Variants in FGF14 observed in about 807,000 individuals in gnomAD.
The protein encoded by FGF14 is fibroblast growth factor 14, also known as fibroblast growth factor homologous factor 4.
A neutral mutation model predicts 25.5 loss-of-function variants in FGF14; 5 were observed. That is an observed-to-expected ratio of 0.20 (90% CI 0.10 to 0.41). The LOEUF (loss-of-function observed/expected upper bound fraction) is 0.41, where lower values mean the gene tolerates loss of function less well. FGF14 is among the 10% of genes least tolerant of loss of function. The pLI, the probability that FGF14 is intolerant of heterozygous loss-of-function variation, is 1.00. For synonymous variants in FGF14, 138 were observed against 118.3 expected (o/e 1.17, Z -1.08); for missense variants, 222 against 320.1 (o/e 0.69, Z 2.34).
chr13:101,770,332 A>G (rs2139965529), intron 3 of FGF14, among the ~76,000 whole-genome samples: 1 of 152,190 alleles, frequency 6.6e-6, no homozygotes, highest in East Asian at 1.9e-4. Context: ...TTACCTCGTT[A>G]TTGTATATAT....
intron 1 of FGF14, among the ~76,000 whole-genome samples, chr13:102,063,920 TA>T (rs2042794605): frequency 6.6e-6 from 1 of 152,146 alleles, no homozygotes; most frequent in African/African-American, 2.4e-5. Flanking sequence ...TTACTGGCAA[TA>T]ATGTTTTTAA....
At chr13:102,280,659 A>G (rs1031127135) in intron 1 of FGF14, among the ~76,000 whole-genome samples, 20 of 152,202 alleles carry the variant, frequency 1.3e-4, no homozygotes, top group African/African-American at 4.8e-4. Flanking sequence ...TGAAGCCATT[A>G]TACACACCAA....
At chr13:102,262,739 T>C (rs1250336089) in intron 1 of FGF14, among the ~76,000 whole-genome samples, 1 of 152,212 alleles carries the variant, frequency 6.6e-6, no homozygotes, top group Non-Finnish European at 1.5e-5. Context: ...GGACTTTTTA[T>C]GAAGCCCATA....
At chr13:101,828,142 TCTGA>T (rs2042487205) in intron 3 of FGF14, among the ~76,000 whole-genome samples, 1 of 152,046 alleles carries the variant, frequency 6.6e-6, no homozygotes, top group African/African-American at 2.4e-5. Flanking sequence ...CAGATATTGT[TCTGA>T]CTCTTTTAAA....
chr13:101,967,754 A>G lies in FGF14; in HGVS notation c.209-92458T>C, dbSNP rs142907931. 211 of 154,486 alleles carry G rather than the reference A, an allele frequency of 1.4e-3. 3 individuals are homozygous for G. The highest frequency in any genetic ancestry group is 2.6e-3 in the Non-Finnish European group (174 of 68,208). 9.6% of individuals were successfully genotyped at this position (154,486 alleles called of 1,614,324 possible). ...AATGCGTGAAAAGGGGGCAGAGAGC[A>G]TATCTTTGCTCTTGATGTCTTTTTA... On this transcript the variant is annotated intron_variant, in intron 1 of 4. Transcript: ENST00000376131.
At chr13:102,180,830 T>C (rs1332233848) in intron 1 of FGF14, among the ~76,000 whole-genome samples, 2 of 152,144 alleles carry the variant, frequency 1.3e-5, no homozygotes, top group African/African-American at 2.4e-5. Context: ...AGGATATAGA[T>C]CATGAGTCCT....
chr13:102,294,690 T>C lies in FGF14; in HGVS notation c.208+106781A>G, dbSNP rs1041033301. On this transcript the variant is annotated intron_variant, in intron 1 of 4. Transcript: ENST00000376131. ...TTTCTTATTTCCACTATTTCTCCAG[T>C]GGTCAAAATAGCTGTTTCCTTCTGA... 4.6e-5 allele frequency among the ~76,000 whole-genome samples: 7 copies of C among 152,302 alleles called. 1 individual carries two copies. The highest frequency in any genetic ancestry group is 7.2e-5 in the African/African-American group (3 of 41,578).
chr13:102,375,424 A>G (rs973288927), intron 1 of FGF14, among the ~76,000 whole-genome samples: 2 of 152,200 alleles, frequency 1.3e-5, no homozygotes, highest in East Asian at 3.8e-4. Flanking sequence ...AAAGCATAAG[A>G]CTTTGTAGTA....
At chr13:102,140,052 C>CT (rs930956314) in intron 1 of FGF14, among the ~76,000 whole-genome samples, 14 of 144,802 alleles carry the variant, frequency 9.7e-5, no homozygotes, top group Non-Finnish European at 2.1e-4. Flanking sequence ...GACCCCCCCC[C>CT]CCCCTTACAG....
intron 1 of FGF14, among the ~76,000 whole-genome samples, chr13:101,957,565 C>T (rs1463956436): frequency 1.3e-5 from 2 of 152,108 alleles, no homozygotes; most frequent in Non-Finnish European, 1.5e-5. Context: ...TTCAACCCAC[C>T]AAATCAGACT....
At chr13:102,107,558 T>C (rs1595298099) in intron 1 of FGF14, among the ~76,000 whole-genome samples, 1 of 152,232 alleles carries the variant, frequency 6.6e-6, no homozygotes, top group African/African-American at 2.4e-5. Context: ...AAAATGCCAG[T>C]ATTTATTGAG....
At chr13:102,149,099 T>C (rs1409993992) in intron 1 of FGF14, among the ~76,000 whole-genome samples, 1 of 152,106 alleles carries the variant, frequency 6.6e-6, no homozygotes, top group African/African-American at 2.4e-5. Context: ...GCTAAGTGCT[T>C]TACCTGCATG....
chr13:101,903,664 G>A (rs1311634042), intron 1 of FGF14, among the ~76,000 whole-genome samples: 3 of 152,092 alleles, frequency 2.0e-5, no homozygotes, highest in Non-Finnish European at 1.5e-5. Context: ...CAAATATACA[G>A]AATCTATAGA....
chr13:101,756,698 A>C (rs997266372), intron 3 of FGF14, among the ~76,000 whole-genome samples: 1 of 152,194 alleles, frequency 6.6e-6, no homozygotes, highest in Non-Finnish European at 1.5e-5. Flanking sequence ...GTGCCACTGC[A>C]CTCCAGCCTG....
chr13:102,052,022 A>C (rs2042233662), intron 1 of FGF14, among the ~76,000 whole-genome samples: 1 of 152,234 alleles, frequency 6.6e-6, no homozygotes, highest in Admixed American at 6.5e-5. Flanking sequence ...TCAGGAAAAC[A>C]ATGAATTACC....
chr13:101,825,859 G>A (rs1338973299), intron 3 of FGF14, among the ~76,000 whole-genome samples: 1 of 152,094 alleles, frequency 6.6e-6, no homozygotes, highest in Non-Finnish European at 1.5e-5. Flanking sequence ...CATGAGGATT[G>A]TAAGGGGGTT....
chr13:101,786,140 G>GT (rs2039811117), intron 3 of FGF14, among the ~76,000 whole-genome samples: 1 of 152,144 alleles, frequency 6.6e-6, no homozygotes, highest in Non-Finnish European at 1.5e-5. Flanking sequence ...TGTGTTGGCA[G>GT]TAAGACACCA....
intron 1 of FGF14, among the ~76,000 whole-genome samples, chr13:101,957,129 C>T (rs1413673920): frequency 6.6e-6 from 1 of 152,092 alleles, no homozygotes; most frequent in Admixed American, 6.5e-5. Flanking sequence ...TGTTTCACTC[C>T]AGCAACTCAA....
intron 1 of FGF14, among the ~76,000 whole-genome samples, chr13:102,291,426 A>G (rs2054389267): frequency 6.6e-6 from 1 of 152,162 alleles, no homozygotes; most frequent in South Asian, 2.1e-4. Context: ...ATTTGGGAGG[A>G]AAAAAAGTCT....
Sources: gnomAD v4.1 joint callset for allele counts (sites outside exome capture counted in the v4.1 genomes callset) on GRCh38, gnomAD v4.1.1 for gene constraint, MANE v1.5 for transcripts, NCBI Gene and HGNC (gene_info 2026-07-23, HGNC 2026-07-21) for gene names.